Variants in SCGB2B2 observed in about 807,000 individuals in gnomAD.
SCGB2B2 encodes secretoglobin-like protein.
In SCGB2B2, 11 loss-of-function variants were observed where a neutral mutation model predicts 7.6. That is an observed-to-expected ratio of 1.45 (90% CI 0.91 to 2.40). The LOEUF (loss-of-function observed/expected upper bound fraction) is 2.40, where lower values mean the gene tolerates loss of function less well. Ranked by LOEUF, SCGB2B2 falls within the 30% of genes most tolerant of loss-of-function variation. SCGB2B2 has a pLI of 0.00. For missense variants in SCGB2B2, 104 were observed against 115.4 expected (o/e 0.90, Z 0.45); for synonymous variants, 50 against 48.6 (o/e 1.03, Z -0.12).
chr19:34,653,756 T>A (rs1243410382), intron 1 of SCGB2B2, among the ~76,000 whole-genome samples: 1 of 151,208 alleles, frequency 6.6e-6, no homozygotes, highest in Non-Finnish European at 1.5e-5. Flanking sequence ...AAGCACTTGA[T>A]AATATTCAAT....
At chr19:34,619,947 T>A (rs2066193696) in intron 1 of SCGB2B2, among the ~76,000 whole-genome samples, 1 of 152,152 alleles carries the variant, frequency 6.6e-6, no homozygotes, top group Non-Finnish European at 1.5e-5. Context: ...ATGAATAACC[T>A]TTTCAAGTGC....
At chr19:34,660,179 C>T (rs1384802515) in intron 1 of SCGB2B2, among the ~76,000 whole-genome samples, 7 of 152,176 alleles carry the variant, frequency 4.6e-5, no homozygotes, top group South Asian at 2.1e-4. Flanking sequence ...ACCATAAAAA[C>T]CCTAGAAGAA....
intron 1 of SCGB2B2, among the ~76,000 whole-genome samples, chr19:34,606,949 C>T (rs989430755): frequency 1.3e-5 from 2 of 152,178 alleles, no homozygotes; most frequent in Non-Finnish European, 2.9e-5. Flanking sequence ...TATTATTAAT[C>T]GTGGCCACCA....
chr19:34,643,381 G>C (rs568667838), intron 1 of SCGB2B2, among the ~76,000 whole-genome samples: 6 of 152,284 alleles, frequency 3.9e-5, no homozygotes, highest in African/African-American at 1.4e-4. Context: ...ACCTCATAAA[G>C]GTAGAGAGTA....
intron 1 of SCGB2B2, among the ~76,000 whole-genome samples, chr19:34,609,913 A>G (rs1042687571): frequency 6.6e-6 from 1 of 152,050 alleles, no homozygotes; most frequent in Non-Finnish European, 1.5e-5. Flanking sequence ...GCTTTTGGTA[A>G]TACGCTCATT....
At chr19:34,670,554 T>C (rs368095491) in intron 1 of SCGB2B2, among the ~76,000 whole-genome samples, 1 of 152,266 alleles carries the variant, frequency 6.6e-6, no homozygotes, top group Admixed American at 6.5e-5. Context: ...TAGGTGTCTA[T>C]TCAAATCTTT....
chr19:34,587,100 G>A (rs1197160221), downstream of SCGB2B2, among the ~76,000 whole-genome samples: 1 of 152,024 alleles, frequency 6.6e-6, no homozygotes, highest in Non-Finnish European at 1.5e-5. Flanking sequence ...GTCGAGATGG[G>A]GTTCTCCATG....
At chr19:34,598,810 C>A (rs767623044) in intron 1 of SCGB2B2, among the ~76,000 whole-genome samples, 7 of 152,226 alleles carry the variant, frequency 4.6e-5, no homozygotes, top group Non-Finnish European at 1.0e-4. Flanking sequence ...TGCTTCTGAT[C>A]CCCAGTTGTT....
At chr19:34,603,407 T>C (rs1335793936) in intron 1 of SCGB2B2, among the ~76,000 whole-genome samples, 2 of 152,244 alleles carry the variant, frequency 1.3e-5, no homozygotes, top group African/African-American at 2.4e-5. Context: ...GGAAAGTCAT[T>C]GCCTTGCTTT....
At chr19:34,659,497 G>A (rs2067388282) in intron 1 of SCGB2B2, among the ~76,000 whole-genome samples, 1 of 152,062 alleles carries the variant, frequency 6.6e-6, no homozygotes, top group African/African-American at 2.4e-5. Context: ...ACCAATAATA[G>A]ACAAACGGAG....
intron 1 of SCGB2B2, among the ~76,000 whole-genome samples, chr19:34,668,325 C>A (rs894814432): frequency 5.3e-5 from 8 of 152,122 alleles, no homozygotes; most frequent in Admixed American, 4.6e-4. Context: ...CAGTGAGGGG[C>A]TTAGCACCTG....
At chr19:34,634,233 C>A (rs1281884986) in intron 1 of SCGB2B2, among the ~76,000 whole-genome samples, 2 of 152,142 alleles carry the variant, frequency 1.3e-5, no homozygotes, top group African/African-American at 4.8e-5. Flanking sequence ...GAATCACATG[C>A]AGTATGTGAA....
chr19:34,605,723 G>A (rs1175666470), intron 1 of SCGB2B2, among the ~76,000 whole-genome samples: 1 of 152,094 alleles, frequency 6.6e-6, no homozygotes, highest in Non-Finnish European at 1.5e-5. Context: ...GAGTAGCTGG[G>A]AATACAGGCA....
chr19:34,643,432 G>A (rs1169311516), intron 1 of SCGB2B2, among the ~76,000 whole-genome samples: 2 of 152,138 alleles, frequency 1.3e-5, no homozygotes, highest in East Asian at 1.9e-4. Context: ...GTGGGTGGGG[G>A]GAGATGAAGA....
intron 1 of SCGB2B2, among the ~76,000 whole-genome samples, chr19:34,614,576 A>G (rs1339005357): frequency 2.0e-5 from 3 of 152,170 alleles, no homozygotes; most frequent in African/African-American, 7.2e-5. Flanking sequence ...TAAGATTAGT[A>G]GTTTGAATTC....
At chr19:34,625,352 G>C (rs886121452) in intron 1 of SCGB2B2, among the ~76,000 whole-genome samples, 23 of 152,218 alleles carry the variant, frequency 1.5e-4, no homozygotes, top group African/African-American at 5.1e-4. Context: ...CAAGGGGTCA[G>C]GGAATTCCCT....
intron 1 of SCGB2B2, among the ~76,000 whole-genome samples, chr19:34,611,340 A>T (rs974725062): frequency 4.6e-5 from 7 of 151,844 alleles, no homozygotes; most frequent in Non-Finnish European, 1.0e-4. Flanking sequence ...TCCTTATTAT[A>T]GTTTTCCTCC....
At chr19:34,634,577 G>A (rs950209351) in intron 1 of SCGB2B2, among the ~76,000 whole-genome samples, 8 of 152,260 alleles carry the variant, frequency 5.3e-5, no homozygotes, top group Admixed American at 3.3e-4. Flanking sequence ...GCTTCTGTCC[G>A]GTGTCACCCA....
chr19:34,593,066 T>C lies in SCGB2B2; in HGVS notation c.*489A>G, dbSNP rs867193990. 5.9e-5 allele frequency among the ~76,000 whole-genome samples: 9 copies of C among 152,188 alleles called. No homozygotes were observed. Among genetic ancestry groups the C allele is most frequent in the African/African-American group, 2.2e-4 (9 of 41,446 alleles). ...GACTGGACACAGTGGCTCATGCCTC[T>C]AACCCTAGCACGTTGGAGGTTGAGG... On this transcript the variant is annotated 3_prime_UTR_variant, in exon 4 of 4. Coordinates refer to ENST00000601241, the MANE Select transcript of SCGB2B2 (RefSeq NM_001025591.4).
Sources: allele counts gnomAD v4.1 joint callset (sites outside exome capture counted in the v4.1 genomes callset), GRCh38; gene constraint gnomAD v4.1.1; transcripts MANE v1.5; gene names NCBI Gene and HGNC (gene_info 2026-07-23, HGNC 2026-07-21).